Variants in ANXA8 observed in about 807,000 individuals in gnomAD.
The protein encoded by ANXA8 is VAC-beta.
ANXA8 carries 9 observed loss-of-function variants against 26.8 expected under a neutral mutation model. The ratio of observed to expected loss-of-function variants is 0.34; its 90% CI spans 0.20 to 0.59. The LOEUF is 0.59. Ranked by LOEUF, ANXA8 falls within the 20% of genes least tolerant of loss-of-function variation. ANXA8 has a pLI of 0.84. For missense variants in ANXA8, 83 were observed against 238.5 expected (o/e 0.35, Z 4.29); for synonymous variants, 39 against 94.8 (o/e 0.41, Z 3.42).
At chr10:47,489,018 A>AAATG (rs1840099198), upstream of ANXA8, among the ~76,000 whole-genome samples, 2 of 119,510 alleles carry the variant, frequency 1.7e-5, no homozygotes, top group African/African-American at 6.7e-5. Context: ...CCCAGCAATT[A>AAATG]TTTTTTTCTT....
chr10:47,557,003 C>CTTTTT, the ANXA8 span, among the ~76,000 whole-genome samples: 143 of 113,410 alleles, frequency 1.3e-3, no homozygotes, highest in Non-Finnish European at 1.7e-3. Context: ...TATTTTCTTT[C>CTTTTT]TTTTTTTTTT....
the ANXA8 span, among the ~76,000 whole-genome samples, chr10:47,693,654 C>G: frequency 6.6e-6 from 1 of 151,768 alleles, no homozygotes; most frequent in South Asian, 2.1e-4. Flanking sequence ...ATAGCCACAT[C>G]CCACTGGCAA....
At chr10:47,542,149 GA>G in the ANXA8 span, 19 of 721,888 alleles carry the variant, frequency 2.6e-5, no homozygotes, top group Non-Finnish European at 3.9e-5. Context: ...ATTAAAAATA[GA>G]AAAAAAGCAG....
the ANXA8 span, among the ~76,000 whole-genome samples, chr10:47,498,353 G>A: frequency 6.9e-6 from 1 of 145,290 alleles, no homozygotes; most frequent in Non-Finnish European, 1.5e-5. Flanking sequence ...TAAGGCTGAA[G>A]AACATTTTAT....
chr10:47,949,585 A>G, the ANXA8 span, among the ~76,000 whole-genome samples: 1 of 150,790 alleles, frequency 6.6e-6, no homozygotes, highest in Non-Finnish European at 1.5e-5. Flanking sequence ...TGTGGCTTAT[A>G]ACATATTAAA....
the ANXA8 span, among the ~76,000 whole-genome samples, chr10:47,979,372 A>G: frequency 6.6e-6 from 1 of 151,656 alleles, no homozygotes; most frequent in East Asian, 1.9e-4. Context: ...GACATTCTTT[A>G]TATGTGTATA....
At chr10:47,922,822 CT>C in the ANXA8 span, 10 of 1,378,456 alleles carry the variant, frequency 7.3e-6, no homozygotes, top group Non-Finnish European at 9.9e-6. Context: ...CGTGCTCTGG[CT>C]GCCTCTGCAT....
chr10:47,744,731 AAC>A, the ANXA8 span, among the ~76,000 whole-genome samples: 1 of 151,810 alleles, frequency 6.6e-6, no homozygotes, highest in South Asian at 2.1e-4. Flanking sequence ...GTAAACAGCA[AAC>A]TATTTTATTC....
At chr10:47,548,469 T>C in the ANXA8 span, among the ~76,000 whole-genome samples, 1 of 152,170 alleles carries the variant, frequency 6.6e-6, no homozygotes, top group Admixed American at 6.5e-5. Flanking sequence ...ACCCGTCTAA[T>C]TTTGTATTTT....
chr10:47,669,944 A>T, the ANXA8 span, among the ~76,000 whole-genome samples: 4 of 151,854 alleles, frequency 2.6e-5, no homozygotes, highest in African/African-American at 9.7e-5. Flanking sequence ...TACAGCCATC[A>T]CTACTTTCTA....
At chr10:47,749,697 TAATC>T in the ANXA8 span, among the ~76,000 whole-genome samples, 1 of 150,876 alleles carries the variant, frequency 6.6e-6, no homozygotes, top group Non-Finnish European at 1.5e-5. Context: ...ATTAAAAAAA[TAATC>T]AGAAAGAAAG....
the ANXA8 span, among the ~76,000 whole-genome samples, chr10:47,744,440 GA>G: frequency 0.015 from 531 of 36,402 alleles, 4 homozygotes; most frequent in Middle Eastern, 0.025. Flanking sequence ...GAGGGGGGAA[GA>G]GGGGGGGCCT....
At chr10:47,488,931 G>T (rs1274037170), upstream of ANXA8, among the ~76,000 whole-genome samples, 30 of 146,898 alleles carry the variant, frequency 2.0e-4, no homozygotes, top group Non-Finnish European at 4.0e-4. Flanking sequence ...GTTTCACCGT[G>T]GTCTGGATCT....
At chr10:47,675,809 AC>A in the ANXA8 span, among the ~76,000 whole-genome samples, 89 of 152,024 alleles carry the variant, frequency 5.9e-4, 6 homozygotes, top group African/African-American at 2.1e-3. Flanking sequence ...GATTTATCAG[AC>A]AGGGATTTAA....
chr10:47,564,973 C>G, the ANXA8 span: 2 of 1,183,438 alleles, frequency 1.7e-6, no homozygotes, highest in Admixed American at 3.4e-5. Context: ...CCAAGCTGTC[C>G]AGCTGCCAAG....
At chr10:47,739,106 G>T in the ANXA8 span, among the ~76,000 whole-genome samples, 6 of 133,738 alleles carry the variant, frequency 4.5e-5, no homozygotes, top group African/African-American at 1.6e-4. Context: ...GACTCCAGCT[G>T]TTGGAGCTGG....
At chr10:47,553,324 C>G in the ANXA8 span, 1 of 152,502 alleles carries the variant, frequency 6.6e-6, no homozygotes, top group Non-Finnish European at 1.5e-5. Flanking sequence ...GACCCCCGGG[C>G]ACACCTCAGG....
chr10:47,958,439 A>C, the ANXA8 span, among the ~76,000 whole-genome samples: 1 of 146,492 alleles, frequency 6.8e-6, no homozygotes, highest in East Asian at 2.1e-4. Context: ...AGATCGAGCC[A>C]CTGCACTCCA....
At chr10:47,986,316 G>A in the ANXA8 span, 2 of 178,350 alleles carry the variant, frequency 1.1e-5, no homozygotes, top group African/African-American at 2.4e-5. Context: ...GTTTACCCAA[G>A]CCTTTTGCTC....
Sources: allele counts gnomAD v4.1 joint callset (sites outside exome capture counted in the v4.1 genomes callset), GRCh38; gene constraint gnomAD v4.1.1; transcripts MANE v1.5; gene names NCBI Gene and HGNC (gene_info 2026-07-23, HGNC 2026-07-21).